The following RPS6KC1 variants were observed in gnomAD, a reference collection of about 807,000 sequenced individuals.
RPS6KC1 encodes the protein inactive ribosomal protein S6 kinase delta-1.
Under a neutral mutation model 103.8 loss-of-function variants are expected in RPS6KC1, and 54 were observed. The ratio of observed to expected loss-of-function variants is 0.52; its 90% CI spans 0.42 to 0.65. The LOEUF (loss-of-function observed/expected upper bound fraction) is 0.65, where lower values mean the gene tolerates loss of function less well. Ranked by LOEUF, RPS6KC1 falls within the 30% of genes least tolerant of loss-of-function variation. The pLI is 0.00. For synonymous variants in RPS6KC1, 439 were observed against 438.7 expected, an observed-to-expected ratio of 1.00 and a Z score of -0.01; for missense variants, 1,151 against 1,253.8, an observed-to-expected ratio of 0.92 and a Z score of 1.24.
At chr1:213,061,119 A>G (rs936662306) in intron 1 of RPS6KC1, among the ~76,000 whole-genome samples, 1 of 151,958 alleles carries the variant, frequency 6.6e-6, no homozygotes, top group African/African-American at 2.4e-5. Context: ...TGAAGTTCCC[A>G]CCCTCATGAC....
chr1:213,609,485 C>T, the RPS6KC1 span, among the ~76,000 whole-genome samples: 3 of 152,128 alleles, frequency 2.0e-5, no homozygotes, highest in Non-Finnish European at 4.4e-5. Context: ...TTCTTGGCTA[C>T]CTGTTGAGTC....
chr1:213,317,124 A>G, the RPS6KC1 span, among the ~76,000 whole-genome samples: 1 of 152,236 alleles, frequency 6.6e-6, no homozygotes. Context: ...TGTATTGAGA[A>G]TATATGATAT....
chr1:213,182,604 A>G (rs2092323111), intron 8 of RPS6KC1, among the ~76,000 whole-genome samples: 1 of 151,932 alleles, frequency 6.6e-6, no homozygotes, highest in South Asian at 2.1e-4. Context: ...CGCAAAATAT[A>G]ACATGCAAAC....
the RPS6KC1 span, among the ~76,000 whole-genome samples, chr1:213,842,671 T>G: frequency 6.6e-6 from 1 of 152,180 alleles, no homozygotes; most frequent in Admixed American, 6.5e-5. Context: ...TGACAAATTA[T>G]CTTGGATTTT....
chr1:213,509,239 A>G, the RPS6KC1 span, among the ~76,000 whole-genome samples: 1 of 152,196 alleles, frequency 6.6e-6, no homozygotes, highest in African/African-American at 2.4e-5. Context: ...CTGGGTATTA[A>G]GGCAAGGAAG....
chr1:213,175,161 C>G (rs781538077), intron 7 of RPS6KC1, among the ~76,000 whole-genome samples: 4 of 152,172 alleles, frequency 2.6e-5, no homozygotes, highest in Non-Finnish European at 4.4e-5. Context: ...CCTAGATTCC[C>G]TCCTTTCTCT....
chr1:213,344,737 G>C, the RPS6KC1 span, among the ~76,000 whole-genome samples: 1 of 152,178 alleles, frequency 6.6e-6, no homozygotes, highest in Admixed American at 6.5e-5. Context: ...GTTTTGCCAT[G>C]TTGGCCAGAC....
At chr1:213,608,687 C>T in the RPS6KC1 span, among the ~76,000 whole-genome samples, 1 of 152,088 alleles carries the variant, frequency 6.6e-6, no homozygotes. Context: ...ACATAAATCA[C>T]CAGTTACTAC....
chr1:213,257,654 G>C (rs1337850866), intron 12 of RPS6KC1, among the ~76,000 whole-genome samples: 2 of 152,078 alleles, frequency 1.3e-5, no homozygotes, highest in African/African-American at 4.8e-5. Context: ...TATTATTGCT[G>C]CTATCATTAT....
the RPS6KC1 span, among the ~76,000 whole-genome samples, chr1:213,638,484 T>A: frequency 6.6e-6 from 1 of 152,150 alleles, no homozygotes; most frequent in African/African-American, 2.4e-5. Context: ...AAGTTATACA[T>A]TTTAAATTTA....
chr1:213,601,567 C>T, the RPS6KC1 span, among the ~76,000 whole-genome samples: 1 of 151,812 alleles, frequency 6.6e-6, no homozygotes, highest in African/African-American at 2.4e-5. Flanking sequence ...AGATTCTGTG[C>T]TGGGAGCACA....
chr1:213,297,842 C>T, the RPS6KC1 span, among the ~76,000 whole-genome samples: 1 of 152,152 alleles, frequency 6.6e-6, no homozygotes, highest in Non-Finnish European at 1.5e-5. Flanking sequence ...AGGCTAGTCT[C>T]AAACTCCTGG....
At chr1:213,512,818 C>A in the RPS6KC1 span, among the ~76,000 whole-genome samples, 1 of 152,180 alleles carries the variant, frequency 6.6e-6, no homozygotes, top group Non-Finnish European at 1.5e-5. Flanking sequence ...AGTTGCCACC[C>A]AGCTACCCTG....
intron 3 of RPS6KC1, among the ~76,000 whole-genome samples, chr1:213,100,387 G>A (rs2081916562): frequency 6.6e-6 from 1 of 151,744 alleles, no homozygotes; most frequent in South Asian, 2.1e-4. Context: ...GTCTATTCAT[G>A]TGTTAATGGT....
chr1:213,406,880 T>C, the RPS6KC1 span, among the ~76,000 whole-genome samples: 5 of 152,132 alleles, frequency 3.3e-5, no homozygotes, highest in Non-Finnish European at 7.4e-5. Context: ...GAGGGCATGA[T>C]TATCGTCATT....
the RPS6KC1 span, among the ~76,000 whole-genome samples, chr1:213,575,442 T>A: frequency 1.3e-5 from 2 of 152,188 alleles, no homozygotes; most frequent in Admixed American, 1.3e-4. Context: ...TGTAGTTCCC[T>A]GAATCATGGG....
At chr1:213,126,175 GA>G (rs1411786609) in intron 5 of RPS6KC1, among the ~76,000 whole-genome samples, 1 of 151,948 alleles carries the variant, frequency 6.6e-6, no homozygotes, top group South Asian at 2.1e-4. Flanking sequence ...AGTTTACATT[GA>G]AATACATAAA....
At chr1:213,739,185 C>T in the RPS6KC1 span, among the ~76,000 whole-genome samples, 2 of 152,076 alleles carry the variant, frequency 1.3e-5, no homozygotes, top group Non-Finnish European at 2.9e-5. Flanking sequence ...GAATAAAGAC[C>T]TCTATGATGA....
intron 1 of RPS6KC1, among the ~76,000 whole-genome samples, chr1:213,066,947 A>G (rs558574381): frequency 2.2e-4 from 34 of 152,252 alleles, no homozygotes; most frequent in African/African-American, 7.2e-4. Flanking sequence ...ATTCTCTTCA[A>G]AGTCACCCCT....
Sources: gnomAD v4.1 joint callset for allele counts (sites outside exome capture counted in the v4.1 genomes callset) on GRCh38, gnomAD v4.1.1 for gene constraint, MANE v1.5 for transcripts, NCBI Gene and HGNC (gene_info 2026-07-23, HGNC 2026-07-21) for gene names.